Variants in RBFOX1 observed in about 807,000 individuals in gnomAD.
RBFOX1 encodes the protein RNA binding fox-1 homolog 1.
In RBFOX1, 8 loss-of-function variants were observed where a neutral mutation model predicts 57.7. The ratio of observed to expected loss-of-function variants is 0.14; its 90% CI spans 0.08 to 0.25. The LOEUF is 0.25. Ranked by LOEUF, RBFOX1 falls within the 10% of genes least tolerant of loss-of-function variation. RBFOX1 has a pLI of 1.00. For missense variants in RBFOX1, 611 were observed against 548.5 expected (o/e 1.11, Z -1.14); for synonymous variants, 326 against 222.4 (o/e 1.47, Z -4.15).
At position 5,923,499 on chromosome 16, in the gene RBFOX1, C is replaced by G. The variant is rs114256678; in HGVS notation, c.351+56164C>G. On this transcript the variant is annotated intron_variant, in intron 4 of 19. Transcript: ENST00000641259. The stretch of plus-strand genomic sequence containing the variant: ...GAGAGCAGAGGACAGATTGCGAATT[C>G]AGACCTAGATCATCTGTCTCCAGAG... 1.7e-3 allele frequency among the ~76,000 whole-genome samples: 258 copies of G among 147,790 alleles called. 1 individual carries two copies. Among genetic ancestry groups the G allele is most frequent in the African/African-American group, 6.1e-3 (245 of 40,358 alleles).
At chr16:7,511,087 G>C (rs2074961094) in intron 4 of RBFOX1, among the ~76,000 whole-genome samples, 1 of 152,170 alleles carries the variant, frequency 6.6e-6, no homozygotes, top group African/African-American at 2.4e-5. Context: ...GAAAATGCTT[G>C]CCTATTTTAA....
At chr16:7,530,586 G>C (rs762715900) in intron 5 of RBFOX1, among the ~76,000 whole-genome samples, 1 of 151,966 alleles carries the variant, frequency 6.6e-6, no homozygotes, top group African/African-American at 2.4e-5. Flanking sequence ...TGTGAATTCA[G>C]CAATGTCATG....
At chr16:5,365,567 G>C (rs138868060) in intron 1 of RBFOX1, among the ~76,000 whole-genome samples, 5,401 of 152,252 alleles carry the variant, frequency 0.035, 328 homozygotes, top group African/African-American at 0.12. Context: ...TACTTGGGAG[G>C]CTGAGGCAGG....
intron 1 of RBFOX1, among the ~76,000 whole-genome samples, chr16:6,106,512 G>C (rs1452233457): frequency 7.4e-6 from 1 of 135,782 alleles, no homozygotes; most frequent in Non-Finnish European, 1.6e-5. Context: ...TATAAATAAA[G>C]AATAGTACTG....
chr16:5,985,627 A>C (rs1050362952), intron 4 of RBFOX1, among the ~76,000 whole-genome samples: 1 of 152,174 alleles, frequency 6.6e-6, no homozygotes, highest in East Asian at 1.9e-4. Flanking sequence ...GAGGGGGAGC[A>C]CCTGCCTTTT....
At chr16:6,292,368 ATTT>A (rs200471833) in intron 1 of RBFOX1, among the ~76,000 whole-genome samples, 7 of 144,568 alleles carry the variant, frequency 4.8e-5, no homozygotes, top group African/African-American at 1.5e-4. Flanking sequence ...AGTTCCACAG[ATTT>A]TTTTTTTTTT....
At chr16:6,230,953 C>A (rs1048957745) in intron 1 of RBFOX1, among the ~76,000 whole-genome samples, 5 of 152,112 alleles carry the variant, frequency 3.3e-5, no homozygotes, top group African/African-American at 1.2e-4. Context: ...AGCCCTCTGA[C>A]TTTATAGGGG....
intron 2 of RBFOX1, among the ~76,000 whole-genome samples, chr16:6,474,235 C>T (rs117692543): frequency 1.4e-3 from 217 of 152,236 alleles, no homozygotes; most frequent in Middle Eastern, 6.8e-3. Flanking sequence ...GATTCTATTT[C>T]GAACACTTTA....
intron 3 of RBFOX1, among the ~76,000 whole-genome samples, chr16:6,776,453 AC>A (rs1476986125): frequency 6.6e-6 from 1 of 151,390 alleles, no homozygotes; most frequent in Non-Finnish European, 1.5e-5. Context: ...AAACAAAAAA[AC>A]ATCAAGGAGA....
At chr16:5,272,330 A>C (rs1465508304) in intron 1 of RBFOX1, among the ~76,000 whole-genome samples, 1 of 152,224 alleles carries the variant, frequency 6.6e-6, no homozygotes, top group Non-Finnish European at 1.5e-5. Context: ...AAATGTGTAC[A>C]ATTATGATTT....
chr16:6,765,250 G>A (rs981855362), intron 3 of RBFOX1, among the ~76,000 whole-genome samples: 2 of 152,148 alleles, frequency 1.3e-5, no homozygotes, highest in African/African-American at 2.4e-5. Context: ...ACAGGCTCCT[G>A]CAGGCCAAGA....
chr16:7,370,240 T>G (rs530562775), intron 4 of RBFOX1, among the ~76,000 whole-genome samples: 1 of 152,140 alleles, frequency 6.6e-6, no homozygotes, highest in South Asian at 2.1e-4. Flanking sequence ...AAAGTGGCCA[T>G]TGATTGAGAA....
At chr16:5,392,517 A>ATT (rs2066440468) in intron 1 of RBFOX1, among the ~76,000 whole-genome samples, 1 of 150,632 alleles carries the variant, frequency 6.6e-6, no homozygotes, top group South Asian at 2.1e-4. Context: ...GTCTAATGAT[A>ATT]TATATATATA....
At chr16:6,851,943 T>C (rs1249745258) in intron 3 of RBFOX1, among the ~76,000 whole-genome samples, 2 of 150,434 alleles carry the variant, frequency 1.3e-5, no homozygotes, top group Admixed American at 6.6e-5. Context: ...TTTTTTTTCT[T>C]TTTTTGAGAT....
At chr16:5,472,383 T>C (rs1212772791) in intron 2 of RBFOX1, among the ~76,000 whole-genome samples, 2 of 152,100 alleles carry the variant, frequency 1.3e-5, no homozygotes, top group Non-Finnish European at 2.9e-5. Context: ...AAGATTATTA[T>C]TAAACCCATT....
chr16:7,096,656 G>A (rs8056484), intron 4 of RBFOX1, among the ~76,000 whole-genome samples: 67,583 of 151,876 alleles, frequency 0.44, 15,458 homozygotes, highest in East Asian at 0.58. Flanking sequence ...ACTGAGTTGA[G>A]CAGGTTGGCT....
At chr16:7,520,440 C>T (rs868157693) in intron 5 of RBFOX1, among the ~76,000 whole-genome samples, 1 of 152,174 alleles carries the variant, frequency 6.6e-6, no homozygotes, top group South Asian at 2.1e-4. Context: ...TCCCTCTCCC[C>T]GGCCCCTGGC....
At chr16:5,457,837 G>C (rs1216942160) in intron 1 of RBFOX1, among the ~76,000 whole-genome samples, 2 of 152,160 alleles carry the variant, frequency 1.3e-5, no homozygotes, top group African/African-American at 4.8e-5. Context: ...TGTGAGAGTA[G>C]GGTTCCTTCT....
Position 7,230,894 on chromosome 16 carries a change from C to G in RBFOX1, c.27+178796C>G, listed in dbSNP as rs536377809. 8.5e-5 allele frequency among the ~76,000 whole-genome samples: 13 copies of G among 152,226 alleles called. No homozygotes were observed. In the East Asian group the frequency reaches 1.2e-3, roughly 14 times the overall value. ...CTATAGTTCCTCATTTTGTAGAAAT[C>G]AACTTTGTCTTCCCAAGGTTACTGG... On this transcript the variant is annotated intron_variant, in intron 4 of 15. Coordinates refer to ENST00000550418, the MANE Select transcript of RBFOX1 (RefSeq NM_018723.4).
Sources: gnomAD v4.1 joint callset for allele counts (sites outside exome capture counted in the v4.1 genomes callset) on GRCh38, gnomAD v4.1.1 for gene constraint, MANE v1.5 for transcripts, NCBI Gene and HGNC (gene_info 2026-07-23, HGNC 2026-07-21) for gene names.